Variants in NTRK3 observed in about 807,000 individuals in gnomAD.
NTRK3 encodes neurotrophic receptor tyrosine kinase 3.
NTRK3 carries 24 observed loss-of-function variants against 91.7 expected under a neutral mutation model. The observed-to-expected ratio is 0.26, with a 90% CI of 0.19 to 0.37. The LOEUF (loss-of-function observed/expected upper bound fraction) is 0.37. Ranked by LOEUF, NTRK3 falls within the 10% of genes least tolerant of loss-of-function variation. The pLI is 1.00. For synonymous variants in NTRK3, 483 were observed against 404.0 expected, an observed-to-expected ratio of 1.20 and a Z score of -2.34; for missense variants, 880 against 1,068.9, an observed-to-expected ratio of 0.82 and a Z score of 2.46.
chr15:88,094,614 C>T (rs1460310258), intron 13 of NTRK3, among the ~76,000 whole-genome samples: 1 of 151,982 alleles, frequency 6.6e-6, no homozygotes, highest in African/African-American at 2.4e-5. Flanking sequence ...AAATACTCAG[C>T]CTTCTTGGGA....
intron 13 of NTRK3, among the ~76,000 whole-genome samples, chr15:88,068,917 G>A (rs1421537392): frequency 6.6e-6 from 1 of 152,086 alleles, no homozygotes; most frequent in African/African-American, 2.4e-5. Context: ...TCAAGGTAGG[G>A]TACAAAAAGG....
intron 17 of NTRK3, among the ~76,000 whole-genome samples, chr15:87,909,285 G>A (rs1461107061): frequency 6.6e-6 from 1 of 152,124 alleles, no homozygotes; most frequent in Non-Finnish European, 1.5e-5. Context: ...TGAGAGGAGG[G>A]GGGTGCATGA....
In NTRK3 at chr15:88,003,285, C is replaced by T. The variant is rs10520671; in HGVS notation, c.1585+29572G>A. ...ATGAGCTTTGAACAATACTATGAAC[C>T]TGTAGACCTGCTGACCAAAATGTTA... On this transcript the variant is annotated intron_variant, in intron 14 of 18. Transcript: ENST00000394480. Among the ~76,000 whole-genome samples, 4 of 152,182 alleles carry T rather than the reference C, an allele frequency of 2.6e-5. No individual in the cohort carries two copies. In the East Asian group the frequency reaches 5.8e-4, roughly 22 times the overall value.
intron 14 of NTRK3, among the ~76,000 whole-genome samples, chr15:88,008,545 A>T (rs2076649391): frequency 6.6e-6 from 1 of 152,048 alleles, no homozygotes; most frequent in African/African-American, 2.4e-5. Context: ...GTTGATTCCA[A>T]TGCAGATTCC....
At chr15:88,100,714 C>T (rs1363208391) in intron 13 of NTRK3, among the ~76,000 whole-genome samples, 1 of 152,142 alleles carries the variant, frequency 6.6e-6, no homozygotes, top group African/African-American at 2.4e-5. Context: ...TAAACTCCTC[C>T]TACCTTAAAA....
intron 3 of NTRK3, among the ~76,000 whole-genome samples, chr15:88,199,547 G>A (rs1025855117): frequency 2.0e-5 from 3 of 152,198 alleles, no homozygotes; most frequent in Admixed American, 1.3e-4. Context: ...ATTAGTGAAG[G>A]GAGGCCCAAG....
intron 4 of NTRK3, 54 bp downstream of exon 4, chr15:88,184,171 G>A: frequency 1.9e-6 from 3 of 1,571,628 alleles, no homozygotes; most frequent in Non-Finnish European, 1.7e-6. Context: ...GGCAGACCAG[G>A]TGGCATCCAC....
chr15:87,879,733 C>T (rs1331531260), intron 18 of NTRK3, among the ~76,000 whole-genome samples: 1 of 152,138 alleles, frequency 6.6e-6, no homozygotes, highest in Non-Finnish European at 1.5e-5. Flanking sequence ...CTAAGTTTAA[C>T]AGTAAACATA....
At chr15:87,986,726 C>T (rs961829629) in intron 14 of NTRK3, among the ~76,000 whole-genome samples, 8 of 152,152 alleles carry the variant, frequency 5.3e-5, no homozygotes, top group South Asian at 2.1e-4. Context: ...AAAAAAGTTG[C>T]GATCAATATT....
chr15:87,910,708 C>A (rs566128884), intron 17 of NTRK3, among the ~76,000 whole-genome samples: 14 of 152,182 alleles, frequency 9.2e-5, no homozygotes, highest in East Asian at 1.9e-4. Context: ...GGAGAGAAAC[C>A]AATGGAGCAG....
intron 15 of NTRK3, among the ~76,000 whole-genome samples, chr15:87,938,783 C>G (rs115515407): frequency 0.011 from 1,708 of 152,244 alleles, 34 homozygotes; most frequent in African/African-American, 0.039. Context: ...AGTGCAGATC[C>G]TAAGTTTAGG....
intron 13 of NTRK3, among the ~76,000 whole-genome samples, chr15:88,096,256 GC>G (rs2049587235): frequency 6.6e-6 from 1 of 151,992 alleles, no homozygotes; most frequent in Non-Finnish European, 1.5e-5. Flanking sequence ...TCTCCTCCAG[GC>G]CTTATTACAT....
chr15:87,919,495 C>G (rs2067697220), intron 17 of NTRK3, among the ~76,000 whole-genome samples: 1 of 152,164 alleles, frequency 6.6e-6, no homozygotes, highest in African/African-American at 2.4e-5. Context: ...TTTCTGTATT[C>G]AGTTCTATAC....
chr15:88,075,080 A>G (rs990047927), intron 13 of NTRK3, among the ~76,000 whole-genome samples: 4 of 152,110 alleles, frequency 2.6e-5, no homozygotes, highest in Non-Finnish European at 5.9e-5. Flanking sequence ...ACCTTAAACA[A>G]TATCTCCCCA....
chr15:88,120,173 C>A (rs1020303389), intron 13 of NTRK3, among the ~76,000 whole-genome samples: 2 of 152,110 alleles, frequency 1.3e-5, no homozygotes, highest in African/African-American at 4.8e-5. Context: ...ACCGGTGAAA[C>A]CAGAAGGATA....
rs552912807 is a variant in NTRK3 at position 87,975,970 on chromosome 15, G to A, written c.1586-35217C>T. Among the ~76,000 whole-genome samples the A allele has an allele frequency of 1.1e-4, 16 of 152,228 alleles. No individual in the cohort carries two copies. In the South Asian group the frequency reaches 1.9e-3, roughly 18 times the overall value. ...TCTATGGGAAGAGCACTCCCTCCAT[G>A]AGGCCAATGCTATCCCTTCCTCCTG... On this transcript the variant is annotated intron_variant, in intron 14 of 18. Coordinates refer to ENST00000394480, the Ensembl canonical transcript of NTRK3.
chr15:88,119,802 C>T (rs2052504959), intron 13 of NTRK3, among the ~76,000 whole-genome samples: 1 of 152,174 alleles, frequency 6.6e-6, no homozygotes, highest in Non-Finnish European at 1.5e-5. Context: ...GGTTCCCGAC[C>T]CCCTGCTAAA....
At chr15:88,077,551 G>A (rs1567348102) in intron 13 of NTRK3, among the ~76,000 whole-genome samples, 1 of 152,222 alleles carries the variant, frequency 6.6e-6, no homozygotes, top group East Asian at 1.9e-4. Context: ...ACCTTCCTGG[G>A]AAGGTGGTTT....
At chr15:88,204,755 G>A (rs2048597689) in intron 3 of NTRK3, among the ~76,000 whole-genome samples, 1 of 152,242 alleles carries the variant, frequency 6.6e-6, no homozygotes, top group Admixed American at 6.5e-5. Flanking sequence ...CTGGTGAAGG[G>A]AAGCGAGGCT....
Sources: gnomAD v4.1 joint callset for allele counts (sites outside exome capture counted in the v4.1 genomes callset) on GRCh38, gnomAD v4.1.1 for gene constraint, MANE v1.5 for transcripts, NCBI Gene and HGNC (gene_info 2026-07-23, HGNC 2026-07-21) for gene names.